SNTG2: variants seen among roughly 807,000 people sequenced by gnomAD.
The protein encoded by SNTG2 is gamma-2-syntrophin.
A neutral mutation model predicts 70.9 loss-of-function variants in SNTG2; 74 were observed. That is an observed-to-expected ratio of 1.04 (90% CI 0.86 to 1.27). SNTG2 has a LOEUF of 1.27. SNTG2 is among the 50% of genes most tolerant of loss of function. The probability of loss-of-function intolerance (pLI) is 0.00; values close to 1 mark genes in which losing one functional copy is unlikely to be tolerated. For missense variants in SNTG2, 717 were observed against 690.7 expected, an observed-to-expected ratio of 1.04 and a Z score of -0.43; for synonymous variants, 278 against 273.8, an observed-to-expected ratio of 1.02 and a Z score of -0.15.
At chr2:982,842 G>T (rs985495623) in intron 1 of SNTG2, among the ~76,000 whole-genome samples, 10 of 152,212 alleles carry the variant, frequency 6.6e-5, no homozygotes, top group Admixed American at 2.0e-4. Context: ...GTCCCAAGGT[G>T]CAGAGACTGT....
At chr2:1,317,485 T>G (rs62105566) in intron 16 of SNTG2, among the ~76,000 whole-genome samples, 31 of 39,854 alleles carry the variant, frequency 7.8e-4, no homozygotes, top group South Asian at 1.9e-3. Flanking sequence ...CTGGAGCATT[T>G]AGCATCAGGT....
At chr2:983,106 T>C (rs1321103373) in intron 1 of SNTG2, among the ~76,000 whole-genome samples, 1 of 148,140 alleles carries the variant, frequency 6.8e-6, no homozygotes, top group Admixed American at 6.7e-5. Context: ...GAGGCTCTCT[T>C]CTGTAGAAGT....
chr2:1,123,206 G>GA (rs1667491893), intron 4 of SNTG2, among the ~76,000 whole-genome samples: 2 of 151,842 alleles, frequency 1.3e-5, no homozygotes, highest in African/African-American at 4.8e-5. Context: ...CACAGAAACA[G>GA]AAAAAACAAT....
intron 16 of SNTG2, among the ~76,000 whole-genome samples, chr2:1,351,603 A>T (rs1330416793): frequency 6.6e-6 from 1 of 152,090 alleles, no homozygotes; most frequent in Non-Finnish European, 1.5e-5. Context: ...GGCACACGGG[A>T]TGTGAACGGA....
At chr2:1,091,533 C>T (rs116754085) in intron 2 of SNTG2, among the ~76,000 whole-genome samples, 2,012 of 152,264 alleles carry the variant, frequency 0.013, 54 homozygotes, top group African/African-American at 0.046. Flanking sequence ...TTCCTGACTG[C>T]AGCTCCCAGA....
At chr2:1,133,300 G>A (rs1343289648) in intron 4 of SNTG2, among the ~76,000 whole-genome samples, 1 of 152,132 alleles carries the variant, frequency 6.6e-6, no homozygotes, top group Non-Finnish European at 1.5e-5. Flanking sequence ...TAACAGAAGT[G>A]TCTTTACAAA....
chr2:1,207,661 T>A (rs1028508612), intron 8 of SNTG2, among the ~76,000 whole-genome samples: 1 of 152,170 alleles, frequency 6.6e-6, no homozygotes, highest in South Asian at 2.1e-4. Context: ...AAGCATTGTG[T>A]AGAGAGTCGT....
chr2:1,364,667 C>T lies in SNTG2; in HGVS notation c.1489-2676C>T, dbSNP rs74844849. Reference sequence around the variant, plus strand: ...CAGCTACTTGGGAGGCCGAGATGGGCGGATCACGAGGTCAGGAGGTTGAGA... The same window carrying T: ...CAGCTACTTGGGAGGCCGAGATGGGTGGATCACGAGGTCAGGAGGTTGAGA... On this transcript the variant is annotated intron_variant, in intron 16 of 16. Transcript: ENST00000308624. Among the ~76,000 whole-genome samples the T allele has an allele frequency of 2.8e-4, 42 of 148,188 alleles. No individual in the cohort carries two copies. The East Asian group carries it at 7.2e-3, about 25-fold the overall frequency.
intron 1 of SNTG2, among the ~76,000 whole-genome samples, chr2:1,010,435 G>A (rs1174204828): frequency 6.6e-6 from 1 of 152,222 alleles, no homozygotes; most frequent in Non-Finnish European, 1.5e-5. Context: ...CATGAGCGTG[G>A]TGTGTGGGAT....
At chr2:1,073,589 G>C (rs1262421583) in intron 1 of SNTG2, among the ~76,000 whole-genome samples, 2 of 152,204 alleles carry the variant, frequency 1.3e-5, no homozygotes, top group Non-Finnish European at 2.9e-5. Flanking sequence ...ATATCCACTT[G>C]ATTAGGGTGG....
rs146574541 is a variant in SNTG2, at chr2:1,274,151, G to A, written c.1284+6580G>A. Among the ~76,000 whole-genome samples the A allele has an allele frequency of 7.4e-3, 1,122 of 152,318 alleles. 11 individuals carry two copies. Among genetic ancestry groups the A allele is most frequent in the Admixed American group, 0.012 (181 of 15,310 alleles). ...AAAAGACTGATGATGCCAAGTGTTG[G>A]TGAAGGAACTGGAACTCTCATTCAC... On this transcript the variant is annotated intron_variant, in intron 14 of 16. Coordinates refer to ENST00000308624, the MANE Select transcript of SNTG2 (RefSeq NM_018968.4).
chr2:1,235,136 G>C (rs111309583), intron 9 of SNTG2, among the ~76,000 whole-genome samples: 1 of 148,088 alleles, frequency 6.8e-6, no homozygotes, highest in African/African-American at 2.5e-5. Flanking sequence ...GTCCCTGCAG[G>C]CCCCACCAGG....
intron 16 of SNTG2, among the ~76,000 whole-genome samples, chr2:1,365,472 G>A (rs959273968): frequency 9.2e-5 from 14 of 152,210 alleles, no homozygotes; most frequent in Admixed American, 2.6e-4. Context: ...GTCACTAGGA[G>A]GTTGGGGGCA....
At chr2:1,179,784 G>A (rs1460674693) in intron 8 of SNTG2, among the ~76,000 whole-genome samples, 6 of 147,520 alleles carry the variant, frequency 4.1e-5, no homozygotes, top group Non-Finnish European at 6.0e-5. Flanking sequence ...AAAGAACAAA[G>A]CTGGAGGCAT....
chr2:1,320,217 C>T (rs1572977235), intron 16 of SNTG2, among the ~76,000 whole-genome samples: 1 of 152,014 alleles, frequency 6.6e-6, no homozygotes, highest in African/African-American at 2.4e-5. Context: ...GTGAAATATT[C>T]CTACCATCCA....
intron 9 of SNTG2, among the ~76,000 whole-genome samples, chr2:1,231,630 C>A (rs1325972040): frequency 6.6e-6 from 1 of 152,254 alleles, no homozygotes; most frequent in Non-Finnish European, 1.5e-5. Context: ...CCTTCACCTC[C>A]CTCCTCTGTT....
At chr2:1,081,597 G>A (rs1007894312) in intron 1 of SNTG2, among the ~76,000 whole-genome samples, 20 of 152,256 alleles carry the variant, frequency 1.3e-4, no homozygotes, top group Admixed American at 4.6e-4. Flanking sequence ...CCATGCACCT[G>A]GGACATAGCC....
chr2:1,246,952 G>A (rs979063884), intron 11 of SNTG2, among the ~76,000 whole-genome samples: 6 of 152,072 alleles, frequency 3.9e-5, no homozygotes, highest in Admixed American at 6.5e-5. Flanking sequence ...CTATAGGAAT[G>A]AAAAATATAA....
At chr2:1,231,554 C>A (rs1268281258) in intron 9 of SNTG2, among the ~76,000 whole-genome samples, 1 of 152,176 alleles carries the variant, frequency 6.6e-6, no homozygotes, top group East Asian at 1.9e-4. Flanking sequence ...TCCAGATGGT[C>A]CCCAGTGGAG....
Sources: gnomAD v4.1 joint callset for allele counts (sites outside exome capture counted in the v4.1 genomes callset) on GRCh38, gnomAD v4.1.1 for gene constraint, MANE v1.5 for transcripts, NCBI Gene and HGNC (gene_info 2026-07-23, HGNC 2026-07-21) for gene names.